Variants in PLSCR2 observed in about 807,000 individuals in gnomAD.
PLSCR2 encodes the protein PL scramblase 2.
Under a neutral mutation model 25.3 loss-of-function variants are expected in PLSCR2, and 18 were observed. The observed-to-expected ratio is 0.71, with a 90% CI of 0.49 to 1.06. The LOEUF (loss-of-function observed/expected upper bound fraction) is 1.06. Ranked by LOEUF, PLSCR2 falls within the 50% of genes least tolerant of loss-of-function variation. PLSCR2 has a pLI of 0.00. For missense variants in PLSCR2, 243 were observed against 269.5 expected (o/e 0.90, Z 0.69); for synonymous variants, 88 against 87.3 (o/e 1.01, Z -0.04).
At chr3:146,487,260 C>T (rs932108640) in intron 1 of PLSCR2, among the ~76,000 whole-genome samples, 13 of 152,038 alleles carry the variant, frequency 8.6e-5, no homozygotes, top group African/African-American at 2.9e-4. Context: ...CAGCACAAGA[C>T]AAGGATACTC....
intron 2 of PLSCR2, among the ~76,000 whole-genome samples, chr3:146,420,107 T>C (rs1185335883): frequency 6.6e-6 from 1 of 152,078 alleles, no homozygotes; most frequent in Non-Finnish European, 1.5e-5. Flanking sequence ...TTCCCATTTT[T>C]CTTGAATAAA....
exon 1 of PLSCR2, chr3:146,460,332 A>T: frequency 3.6e-6 from 2 of 554,268 alleles, no homozygotes; most frequent in East Asian, 1.0e-4. Context: ...TGTAAAACTC[A>T]GATAGAAAAT....
intron 1 of PLSCR2, among the ~76,000 whole-genome samples, chr3:146,485,272 C>T (rs148566489): frequency 1.9e-3 from 292 of 152,182 alleles, no homozygotes; most frequent in African/African-American, 6.9e-3. Context: ...TATATGCGCC[C>T]AATACAGGAG....
At chr3:146,392,320 A>G (rs1314696791) in intron 3 of PLSCR2, among the ~76,000 whole-genome samples, 2 of 152,078 alleles carry the variant, frequency 1.3e-5, no homozygotes, top group Non-Finnish European at 2.9e-5. Context: ...TGAGCACTTG[A>G]TTCCTTAAAT....
At chr3:146,477,853 C>T (rs1413064025) in intron 1 of PLSCR2, among the ~76,000 whole-genome samples, 1 of 152,006 alleles carries the variant, frequency 6.6e-6, no homozygotes, top group East Asian at 1.9e-4. Flanking sequence ...ACACCTGATA[C>T]AGGCAGGTGC....
At chr3:146,455,039 G>A (rs1436192132) in intron 4 of PLSCR2, among the ~76,000 whole-genome samples, 200 bp downstream of exon 4, 1 of 152,112 alleles carries the variant, frequency 6.6e-6, no homozygotes, top group Non-Finnish European at 1.5e-5. Context: ...AACCCCATGA[G>A]GCAGACTGCT....
At chr3:146,403,969 C>A (rs898832021) in intron 2 of PLSCR2, among the ~76,000 whole-genome samples, 2 of 152,142 alleles carry the variant, frequency 1.3e-5, no homozygotes, top group Non-Finnish European at 2.9e-5. Flanking sequence ...TGACTCATTC[C>A]GATTACCTAC....
chr3:146,430,355 A>G (rs193141821), downstream of PLSCR2, among the ~76,000 whole-genome samples: 1 of 152,188 alleles, frequency 6.6e-6, no homozygotes, highest in African/African-American at 2.4e-5. Flanking sequence ...TGAAAGAGAT[A>G]GGGCCAGGTG....
intron 5 of PLSCR2, among the ~76,000 whole-genome samples, chr3:146,451,965 A>T (rs2040924813): frequency 1.3e-5 from 2 of 152,204 alleles, no homozygotes; most frequent in Non-Finnish European, 2.9e-5. Flanking sequence ...AGTAAACATA[A>T]ATAAAATATG....
rs2038160846 is a variant in PLSCR2 at position 146,393,353 on chromosome 3, T to C, written c.*146-1791A>G. ...TACATTTCTATATGTATAAAACATT[T>C]AAAAATATTTATTAACCTCTAATTG... On this transcript the variant is annotated intron_variant and NMD_transcript_variant, in intron 3 of 3. Transcript: ENST00000463633. Among the ~76,000 whole-genome samples, 3 of 151,998 alleles carry C rather than the reference T, an allele frequency of 2.0e-5. No individual in the cohort carries two copies. The South Asian group carries it at 6.2e-4, about 32-fold the overall frequency.
chr3:146,404,013 A>G (rs2108010288), intron 2 of PLSCR2, among the ~76,000 whole-genome samples: 1 of 152,016 alleles, frequency 6.6e-6, no homozygotes. Flanking sequence ...CATTTTTCCC[A>G]CCAAACCACT....
At chr3:146,400,001 C>A (rs539469475) in intron 2 of PLSCR2, among the ~76,000 whole-genome samples, 4 of 151,718 alleles carry the variant, frequency 2.6e-5, no homozygotes, top group Non-Finnish European at 5.9e-5. Context: ...CTGTCAAATT[C>A]TTTAGACAAA....
At chr3:146,488,856 A>G (rs2043441401) in intron 1 of PLSCR2, among the ~76,000 whole-genome samples, 1 of 152,202 alleles carries the variant, frequency 6.6e-6, no homozygotes, top group Non-Finnish European at 1.5e-5. Context: ...TATTATAAAG[A>G]TAAACGCACA....
chr3:146,447,240 C>T (rs1412826470), intron 6 of PLSCR2, among the ~76,000 whole-genome samples: 1 of 152,218 alleles, frequency 6.6e-6, no homozygotes, highest in Non-Finnish European at 1.5e-5. Context: ...CCTCTTCCCT[C>T]TCCTTTCCTC....
exon 4 of PLSCR2, chr3:146,455,432 A>G (rs866120858): frequency 6.2e-7 from 1 of 1,610,530 alleles, no homozygotes; most frequent in Non-Finnish European, 8.5e-7. Flanking sequence ...GATTTCATAC[A>G]TGTTACTACT....
chr3:146,426,394 T>C (rs1254171329), intron 2 of PLSCR2, among the ~76,000 whole-genome samples: 7 of 152,052 alleles, frequency 4.6e-5, no homozygotes, highest in African/African-American at 1.7e-4. Flanking sequence ...TTGCTTTCAT[T>C]TTCAGACAAA....
intron 1 of PLSCR2, among the ~76,000 whole-genome samples, chr3:146,466,803 A>T (rs2041892890): frequency 6.6e-6 from 1 of 152,210 alleles, no homozygotes; most frequent in African/African-American, 2.4e-5. Flanking sequence ...TGTCCATTGC[A>T]TTCATGTTCC....
At chr3:146,431,677 T>C (rs569727645), downstream of PLSCR2, among the ~76,000 whole-genome samples, 9 of 152,274 alleles carry the variant, frequency 5.9e-5, no homozygotes, top group African/African-American at 2.2e-4. Context: ...GGAGCAAACA[T>C]GTGGTAAAAC....
intron 1 of PLSCR2, among the ~76,000 whole-genome samples, chr3:146,483,428 A>AATATATATATATATACACATGTATGTAT (rs1560054550): frequency 4.1e-4 from 43 of 103,696 alleles, no homozygotes; most frequent in Admixed American, 5.0e-4. Flanking sequence ...ACTTAAACTT[A>AATATATATATATATACACATGTATGTAT]ATATATATAT....
Sources: allele counts gnomAD v4.1 joint callset (sites outside exome capture counted in the v4.1 genomes callset), GRCh38; gene constraint gnomAD v4.1.1; transcripts MANE v1.5; gene names NCBI Gene and HGNC (gene_info 2026-07-23, HGNC 2026-07-21).